The following GSE1 variants were observed in gnomAD, a reference collection of about 807,000 sequenced individuals.
The protein encoded by GSE1 is Gse1 coiled-coil protein.
GSE1 carries 32 observed loss-of-function variants against 112.6 expected under a neutral mutation model. That is an observed-to-expected ratio of 0.28 (90% confidence interval 0.21 to 0.38). The LOEUF (loss-of-function observed/expected upper bound fraction) is 0.38. Among genes scored for constraint, GSE1 ranks in the 10% least tolerant of loss-of-function variants. The probability of loss-of-function intolerance (pLI) is 1.00; values close to 1 mark genes in which losing one functional copy is unlikely to be tolerated. For synonymous variants in GSE1, 1,115 were observed against 735.6 expected (o/e 1.52, Z -8.35); for missense variants, 2,348 against 1,699.2 (o/e 1.38, Z -6.71).
chr16:85,248,159 C>A (rs557653915), intron 1 of GSE1, among the ~76,000 whole-genome samples: 2 of 152,238 alleles, frequency 1.3e-5, no homozygotes, highest in East Asian at 3.9e-4. Context: ...CTTGTGGGGA[C>A]CCCGCTGGGC....
intron 1 of GSE1, among the ~76,000 whole-genome samples, chr16:85,602,575 G>A (rs890249275): frequency 1.3e-5 from 2 of 151,978 alleles, no homozygotes; most frequent in Non-Finnish European, 2.9e-5. Flanking sequence ...TCCAGAACCC[G>A]GCCTCCTGGG....
At chr16:85,652,421 C>T (rs927756363) in intron 3 of GSE1, among the ~76,000 whole-genome samples, 2 of 152,238 alleles carry the variant, frequency 1.3e-5, no homozygotes, top group African/African-American at 2.4e-5. Context: ...TACCTCCCAC[C>T]CTCGAGACCA....
intron 2 of GSE1, among the ~76,000 whole-genome samples, chr16:85,507,848 T>C (rs1018600565): frequency 3.0e-4 from 45 of 152,210 alleles, no homozygotes; most frequent in African/African-American, 1.1e-3. Context: ...TCATTTTCCC[T>C]CTTTTTCAAT....
At chr16:85,632,696 A>AC (rs1482550938) in intron 1 of GSE1, among the ~76,000 whole-genome samples, 4 of 151,982 alleles carry the variant, frequency 2.6e-5, no homozygotes, top group Non-Finnish European at 5.9e-5. Flanking sequence ...CTTACCCCAT[A>AC]GGAAGTGCAC....
At chr16:85,385,482 G>T (rs999778654) in intron 2 of GSE1, among the ~76,000 whole-genome samples, 17 of 152,166 alleles carry the variant, frequency 1.1e-4, no homozygotes, top group African/African-American at 4.1e-4. Flanking sequence ...ACCACTACCC[G>T]TGGCAGACAG....
intron 2 of GSE1, among the ~76,000 whole-genome samples, chr16:85,515,875 C>A (rs2051916157): frequency 6.6e-6 from 1 of 152,162 alleles, no homozygotes; most frequent in Non-Finnish European, 1.5e-5. Context: ...CTTAAGCCTG[C>A]CTTTCCCCAC....
intron 1 of GSE1, among the ~76,000 whole-genome samples, chr16:85,251,405 A>G (rs1208005571): frequency 2.0e-5 from 3 of 152,240 alleles, no homozygotes; most frequent in Non-Finnish European, 4.4e-5. Context: ...GGGCGGCCAT[A>G]TGGCCTGGCA....
intron 1 of GSE1, among the ~76,000 whole-genome samples, chr16:85,314,063 G>T (rs1021846000): frequency 3.3e-5 from 5 of 151,938 alleles, no homozygotes; most frequent in African/African-American, 9.7e-5. Context: ...CTGTTTGTGT[G>T]TATAAGACAT....
intron 2 of GSE1, among the ~76,000 whole-genome samples, chr16:85,424,758 C>A (rs1318154420): frequency 6.6e-6 from 1 of 152,244 alleles, no homozygotes; most frequent in Non-Finnish European, 1.5e-5. Flanking sequence ...GCCAGATGCT[C>A]TGCGCCATGG....
At chr16:85,509,715 C>T (rs976555309) in intron 2 of GSE1, among the ~76,000 whole-genome samples, 1 of 152,222 alleles carries the variant, frequency 6.6e-6, no homozygotes, top group Non-Finnish European at 1.5e-5. Flanking sequence ...GTGTGCTGTT[C>T]ACGGCACACC....
At chr16:85,655,109 G>C in intron 5 of GSE1, 118 bp downstream of exon 5, 1 of 715,788 alleles carries the variant, frequency 1.4e-6, no homozygotes, top group Non-Finnish European at 2.4e-6. Context: ...GGAGGGTCTA[G>C]AGTAGCCCCT....
chr16:85,612,332 A>G (rs1376932018), upstream of GSE1, among the ~76,000 whole-genome samples: 1 of 151,802 alleles, frequency 6.6e-6, no homozygotes, highest in Non-Finnish European at 1.5e-5. Flanking sequence ...GTGGGTGCCC[A>G]GGAATTTCAG....
chr16:85,416,779 C>A (rs1384457826), intron 2 of GSE1, among the ~76,000 whole-genome samples: 2 of 152,264 alleles, frequency 1.3e-5, no homozygotes, highest in Non-Finnish European at 2.9e-5. Context: ...TTGCATGGAT[C>A]CCGGGGCTTC....
At chr16:85,606,026 T>A (rs2047688816) in intron 1 of GSE1, among the ~76,000 whole-genome samples, 1 of 152,214 alleles carries the variant, frequency 6.6e-6, no homozygotes, top group African/African-American at 2.4e-5. Context: ...GCTACCCATG[T>A]GCCCATCGGG....
intron 1 of GSE1, among the ~76,000 whole-genome samples, chr16:85,242,667 C>T (rs929622886): frequency 3.9e-5 from 6 of 152,128 alleles, no homozygotes; most frequent in East Asian, 1.9e-4. Context: ...AGGAGGTATA[C>T]GACAGCGACC....
At chr16:85,413,794 G>A (rs764192096) in intron 2 of GSE1, among the ~76,000 whole-genome samples, 1 of 152,170 alleles carries the variant, frequency 6.6e-6, no homozygotes, top group Non-Finnish European at 1.5e-5. Context: ...GCCTTGAATT[G>A]TAATCCCCAG....
At chr16:85,587,505 C>T (rs2046762922) in intron 1 of GSE1, among the ~76,000 whole-genome samples, 2 of 152,210 alleles carry the variant, frequency 1.3e-5, no homozygotes, top group East Asian at 1.9e-4. Context: ...CACCGTGCAC[C>T]TGCTGGGCTC....
chr16:85,485,248 A>G (rs1352577343), intron 2 of GSE1, among the ~76,000 whole-genome samples: 1 of 152,232 alleles, frequency 6.6e-6, no homozygotes, highest in Non-Finnish European at 1.5e-5. Context: ...CCGCGCCCAG[A>G]GGCATGGATC....
At chr16:85,215,641 G>A (rs2075295722) in intron 1 of GSE1, among the ~76,000 whole-genome samples, 3 of 152,300 alleles carry the variant, frequency 2.0e-5, no homozygotes, top group Admixed American at 6.5e-5. Context: ...CCTGACACGC[G>A]GCTGTTGTTT....
Sources: gnomAD v4.1 joint callset for allele counts (sites outside exome capture counted in the v4.1 genomes callset) on GRCh38, gnomAD v4.1.1 for gene constraint, MANE v1.5 for transcripts, NCBI Gene and HGNC (gene_info 2026-07-23, HGNC 2026-07-21) for gene names.